Variants in CNBD1 observed in about 807,000 individuals in gnomAD.
The protein encoded by CNBD1 is cyclic nucleotide binding domain containing 1, also known as cyclic nucleotide-binding domain-containing protein 1.
In CNBD1, 71 loss-of-function variants were observed where a neutral mutation model predicts 54.4. That is an observed-to-expected ratio of 1.30 (90% CI 1.08 to 1.59). CNBD1 has a LOEUF of 1.59. Ranked by LOEUF, CNBD1 falls within the 40% of genes most tolerant of loss-of-function variation. The pLI, the probability that CNBD1 is intolerant of heterozygous loss-of-function variation, is 0.00. For missense variants in CNBD1, 659 were observed against 518.0 expected (o/e 1.27, Z -2.64); for synonymous variants, 182 against 170.7 (o/e 1.07, Z -0.51).
chr8:87,377,610 C>A (rs1158503268), intron 10 of CNBD1, among the ~76,000 whole-genome samples: 5 of 151,108 alleles, frequency 3.3e-5, no homozygotes, highest in Admixed American at 2.6e-4. Flanking sequence ...CCGCAATAAA[C>A]ATACGTGTGC....
intron 1 of CNBD1, among the ~76,000 whole-genome samples, chr8:86,871,802 G>A (rs548074775): frequency 6.6e-6 from 1 of 152,290 alleles, no homozygotes; most frequent in East Asian, 1.9e-4. Context: ...ATCCCACACA[G>A]CCAGCCCTCT....
intron 6 of CNBD1, among the ~76,000 whole-genome samples, chr8:87,245,794 T>G (rs1586360409): frequency 3.9e-5 from 6 of 152,030 alleles, no homozygotes; most frequent in African/African-American, 1.4e-4. Flanking sequence ...TTAATATACG[T>G]GTTGCAAATA....
intron 4 of CNBD1, among the ~76,000 whole-genome samples, chr8:86,946,238 G>T (rs1021639555): frequency 1.3e-5 from 2 of 152,044 alleles, no homozygotes; most frequent in African/African-American, 4.8e-5. Context: ...ATTCAAGAAA[G>T]AATATTCAAA....
chr8:86,902,063 C>T (rs754130094), intron 2 of CNBD1, among the ~76,000 whole-genome samples: 3 of 152,016 alleles, frequency 2.0e-5, no homozygotes, highest in Non-Finnish European at 4.4e-5. Context: ...GCATCATTTC[C>T]TTATCCATAA....
At chr8:87,367,820 TC>T (rs1441603708) in intron 10 of CNBD1, among the ~76,000 whole-genome samples, 1 of 152,092 alleles carries the variant, frequency 6.6e-6, no homozygotes, top group African/African-American at 2.4e-5. Flanking sequence ...GGTTTGTTAC[TC>T]ATTGGGATGA....
At chr8:87,240,801 G>C (rs1807681835) in intron 6 of CNBD1, among the ~76,000 whole-genome samples, 2 of 152,114 alleles carry the variant, frequency 1.3e-5, no homozygotes, top group Non-Finnish European at 2.9e-5. Context: ...CCCTCCTGCA[G>C]TTCCCTGGAG....
intron 4 of CNBD1, among the ~76,000 whole-genome samples, chr8:86,993,933 C>G (rs1258909649): frequency 6.6e-6 from 1 of 152,182 alleles, no homozygotes; most frequent in Non-Finnish European, 1.5e-5. Flanking sequence ...TGGTGCTGTA[C>G]CTGTGCACTT....
intron 2 of CNBD1, among the ~76,000 whole-genome samples, chr8:87,424,973 T>A (rs1305356439): frequency 6.6e-6 from 1 of 152,184 alleles, no homozygotes; most frequent in Non-Finnish European, 1.5e-5. Context: ...AGACGTAGAT[T>A]TGGTCTTTTC....
intron 8 of CNBD1, among the ~76,000 whole-genome samples, chr8:87,300,351 A>C (rs2130881537): frequency 6.6e-6 from 1 of 152,304 alleles, no homozygotes; most frequent in African/African-American, 2.4e-5. Flanking sequence ...TATTTACAAT[A>C]TATAAAACCC....
chr8:87,025,361 T>A (rs1809617746), intron 4 of CNBD1, among the ~76,000 whole-genome samples: 1 of 152,154 alleles, frequency 6.6e-6, no homozygotes, highest in Non-Finnish European at 1.5e-5. Context: ...CAATAAATCT[T>A]GCTGCTGCTC....
intron 4 of CNBD1, among the ~76,000 whole-genome samples, chr8:87,020,653 C>A (rs565221912): frequency 3.5e-4 from 51 of 145,268 alleles, no homozygotes; most frequent in African/African-American, 1.3e-3. Flanking sequence ...CTAACTCTGG[C>A]ATAACATTAT....
rs564791306 is a variant in CNBD1 at position 86,952,767 on chromosome 8, G to A, written c.431+13013G>A. Among the ~76,000 whole-genome samples the A allele has an allele frequency of 3.9e-5, 6 of 152,186 alleles. No individual in the cohort carries two copies. In the South Asian group the frequency reaches 6.2e-4, roughly 16 times the overall value. On this transcript the variant is annotated intron_variant, in intron 4 of 10. Coordinates refer to ENST00000518476, the MANE Select transcript of CNBD1 (RefSeq NM_173538.3). Reference sequence around the variant, plus strand: ...TGTGCGATGTGATAACTTTTGACACGTGTAAATCTGTGGTATAAACCATCA... The same window carrying A: ...TGTGCGATGTGATAACTTTTGACACATGTAAATCTGTGGTATAAACCATCA...
At chr8:87,387,580 A>T (rs370626767), downstream of CNBD1, among the ~76,000 whole-genome samples, 1 of 152,224 alleles carries the variant, frequency 6.6e-6, no homozygotes, top group African/African-American at 2.4e-5. Flanking sequence ...TATGCACCCA[A>T]TACAGGAGCA....
chr8:87,195,980 T>C lies in CNBD1; in HGVS notation c.432-10013T>C, dbSNP rs528095285. Among the ~76,000 whole-genome samples the C allele has an allele frequency of 7.9e-5, 12 of 152,308 alleles. No homozygotes were observed. In the South Asian group the frequency reaches 2.5e-3, roughly 32 times the overall value. On this transcript the variant is annotated intron_variant, in intron 4 of 10. Transcript: ENST00000518476. ...TTGGCACGCATCCTACCCAAGTTAA[T>C]GGCTTTTTTTATGTGTTCTGTAATA...
intron 2 of CNBD1, among the ~76,000 whole-genome samples, chr8:87,419,107 A>ATATT (rs1807883582): frequency 6.6e-6 from 1 of 151,162 alleles, no homozygotes; most frequent in Non-Finnish European, 1.5e-5. Context: ...ATGTATATAT[A>ATATT]TATTCATTCA....
intron 4 of CNBD1, among the ~76,000 whole-genome samples, chr8:87,153,908 G>A (rs1040237075): frequency 3.9e-5 from 6 of 152,170 alleles, no homozygotes; most frequent in Admixed American, 3.3e-4. Flanking sequence ...AGAAGGTTTA[G>A]GGAGCATTGG....
At chr8:87,217,281 T>C (rs572831698) in intron 5 of CNBD1, among the ~76,000 whole-genome samples, 5 of 152,094 alleles carry the variant, frequency 3.3e-5, no homozygotes, top group African/African-American at 1.2e-4. Context: ...TCTAATAAGA[T>C]GTATTGGCTA....
At chr8:87,371,850 A>C (rs1252322910) in intron 10 of CNBD1, among the ~76,000 whole-genome samples, 2 of 151,964 alleles carry the variant, frequency 1.3e-5, no homozygotes, top group South Asian at 4.1e-4. Context: ...AAATAATAAG[A>C]GCTATCTATG....
In CNBD1 at chr8:87,269,220, A is replaced by G. The variant is rs1025698953; in HGVS notation, c.772-15458A>G. ...TTTGTTATTGTCAACTCTGTTAAGGATGGTGGCTGTAGGTATATGGCTTTA... is the reference window on the plus strand; with the variant it reads ...TTTGTTATTGTCAACTCTGTTAAGGGTGGTGGCTGTAGGTATATGGCTTTA... On this transcript the variant is annotated intron_variant, in intron 6 of 10. Coordinates refer to ENST00000518476, the MANE Select transcript of CNBD1 (RefSeq NM_173538.3). Among the ~76,000 whole-genome samples, 5 of 152,072 alleles carry G rather than the reference A, an allele frequency of 3.3e-5. No individual in the cohort carries two copies. The South Asian group carries it at 1.0e-3, about 32-fold the overall frequency.
Sources: allele counts gnomAD v4.1 joint callset (sites outside exome capture counted in the v4.1 genomes callset), GRCh38; gene constraint gnomAD v4.1.1; transcripts MANE v1.5; gene names NCBI Gene and HGNC (gene_info 2026-07-23, HGNC 2026-07-21).